GRM5: variants seen among roughly 807,000 people sequenced by gnomAD.
GRM5 encodes glutamate metabotropic receptor 5.
A neutral mutation model predicts 83.1 loss-of-function variants in GRM5; 19 were observed. That is an observed-to-expected ratio of 0.23 (90% CI 0.16 to 0.34). GRM5 has a LOEUF of 0.34. Ranked by LOEUF, GRM5 falls within the 10% of genes least tolerant of loss-of-function variation. The pLI is 1.00. For missense variants in GRM5, 1,160 were observed against 1,588.3 expected (o/e 0.73, Z 4.58); for synonymous variants, 675 against 633.6 (o/e 1.07, Z -0.98).
chr11:88,586,923 C>T (rs985614572), intron 7 of GRM5, among the ~76,000 whole-genome samples: 2 of 152,110 alleles, frequency 1.3e-5, no homozygotes, highest in South Asian at 2.1e-4. Context: ...ATTCCAAACT[C>T]GTTAAAGGCT....
chr11:88,984,914 G>A, intron 2 of GRM5: 3 of 613,480 alleles, frequency 4.9e-6, no homozygotes, highest in Non-Finnish European at 6.0e-6. Context: ...TGTTATCAAT[G>A]ATATTTTTAA....
At chr11:88,694,441 A>G (rs1940854926) in intron 3 of GRM5, among the ~76,000 whole-genome samples, 2 of 152,158 alleles carry the variant, frequency 1.3e-5, no homozygotes, top group Non-Finnish European at 2.9e-5. Flanking sequence ...CAAGGATGTG[A>G]CAAAGTGTAA....
chr11:88,824,522 C>A (rs1421603097), intron 3 of GRM5, among the ~76,000 whole-genome samples: 1 of 152,070 alleles, frequency 6.6e-6, no homozygotes, highest in Admixed American at 6.6e-5. Context: ...TGGGGCGGGG[C>A]AGGGGGGTGG....
At chr11:88,555,983 G>A (rs975801601) in intron 8 of GRM5, among the ~76,000 whole-genome samples, 4 of 152,092 alleles carry the variant, frequency 2.6e-5, no homozygotes, top group Non-Finnish European at 5.9e-5. Flanking sequence ...AGGAATGAGG[G>A]AAATGGCTAA....
chr11:88,522,467 GA>G (rs1438864686), intron 9 of GRM5, among the ~76,000 whole-genome samples: 1 of 151,812 alleles, frequency 6.6e-6, no homozygotes, highest in Non-Finnish European at 1.5e-5. Flanking sequence ...TGTGAAGTTG[GA>G]AAAAAAGATA....
chr11:88,876,523 G>C (rs540004996), intron 2 of GRM5, among the ~76,000 whole-genome samples: 1 of 151,996 alleles, frequency 6.6e-6, no homozygotes, highest in Non-Finnish European at 1.5e-5. Flanking sequence ...TTCACAACTT[G>C]ACTAAGTGGC....
At chr11:88,527,732 C>T (rs969065727) in intron 8 of GRM5, among the ~76,000 whole-genome samples, 1 of 152,114 alleles carries the variant, frequency 6.6e-6, no homozygotes, top group Non-Finnish European at 1.5e-5. Flanking sequence ...AAATGTGGTA[C>T]ATATACATCA....
chr11:88,839,902 A>G (rs1944165482), intron 3 of GRM5, among the ~76,000 whole-genome samples: 1 of 152,208 alleles, frequency 6.6e-6, no homozygotes, highest in South Asian at 2.1e-4. Context: ...AGAGGAAGAA[A>G]TGTTATCAAG....
At chr11:88,632,408 T>G (rs1204923606) in intron 4 of GRM5, among the ~76,000 whole-genome samples, 2 of 151,964 alleles carry the variant, frequency 1.3e-5, no homozygotes, top group African/African-American at 4.8e-5. Context: ...AATGTTTCTA[T>G]TTTTTTGTAG....
rs573700926 is a variant in GRM5, at chr11:88,831,909, C to G, written c.911+17997G>C. On this transcript the variant is annotated intron_variant, in intron 3 of 9. Transcript: ENST00000305447. ...GTCTGGAGGCCAAAGAATCAGCTAG[C>G]CTGAGCCCGTTAACATTGGTGCCAG... is the stretch of plus-strand genomic sequence containing the variant. Among the ~76,000 whole-genome samples, 16 of 152,324 alleles carry G rather than the reference C, an allele frequency of 1.1e-4. No homozygotes were observed. The East Asian group carries it at 2.9e-3, about 28-fold the overall frequency.
At chr11:89,026,836 A>G (rs1295637252) in intron 2 of GRM5, among the ~76,000 whole-genome samples, 4 of 152,210 alleles carry the variant, frequency 2.6e-5, no homozygotes, top group Non-Finnish European at 5.9e-5. Context: ...AATTAATCTT[A>G]TGACTAGTTA....
At chr11:88,796,891 C>A (rs1168942216) in intron 3 of GRM5, among the ~76,000 whole-genome samples, 1 of 110,324 alleles carries the variant, frequency 9.1e-6, no homozygotes, top group Non-Finnish European at 2.0e-5. Context: ...AAAGTACACA[C>A]ACACACACGT....
intron 2 of GRM5, among the ~76,000 whole-genome samples, chr11:88,913,182 G>T (rs1945528591): frequency 6.6e-6 from 1 of 152,116 alleles, no homozygotes; most frequent in African/African-American, 2.4e-5. Context: ...CATGTTAGAA[G>T]GTAATGGCCA....
In GRM5 at chr11:88,888,981, A is replaced by G. The variant is rs149809374; in HGVS notation, c.662-38826T>C. ...CGAATAATTTGTTTTAGTCTCCACCATTTTACAATGTTTGCTGACTTCTTA... is the reference window on the plus strand; with the variant it reads ...CGAATAATTTGTTTTAGTCTCCACCGTTTTACAATGTTTGCTGACTTCTTA... On this transcript the variant is annotated intron_variant, in intron 2 of 9. Coordinates refer to ENST00000305447, the MANE Select transcript of GRM5 (RefSeq NM_001143831.3). Among the ~76,000 whole-genome samples the G allele has an allele frequency of 4.0e-3, 612 of 152,284 alleles. 2 individuals are homozygous for G. Among genetic ancestry groups the G allele is most frequent in the African/African-American group, 0.014 (577 of 41,566 alleles).
chr11:88,941,351 G>T (rs1472049324), intron 2 of GRM5, among the ~76,000 whole-genome samples: 1 of 147,408 alleles, frequency 6.8e-6, no homozygotes, highest in African/African-American at 2.5e-5. Context: ...TGAACTTAAA[G>T]AAATAAGCCA....
chr11:88,990,850 A>C (rs994300169), intron 2 of GRM5, among the ~76,000 whole-genome samples: 4 of 151,916 alleles, frequency 2.6e-5, no homozygotes, highest in African/African-American at 9.7e-5. Context: ...TTAGGTATTG[A>C]TGGGACATAT....
At chr11:88,918,451 T>TA (rs976488071) in intron 2 of GRM5, among the ~76,000 whole-genome samples, 13 of 150,866 alleles carry the variant, frequency 8.6e-5, no homozygotes, top group African/African-American at 1.5e-4. Context: ...TAAATTAATT[T>TA]AAAAAAAAAC....
chr11:88,666,651 T>C (rs1940053113), intron 3 of GRM5, among the ~76,000 whole-genome samples: 1 of 152,216 alleles, frequency 6.6e-6, no homozygotes, highest in Admixed American at 6.5e-5. Flanking sequence ...GAGTTTTTAT[T>C]TGGGATCATT....
intron 5 of GRM5, among the ~76,000 whole-genome samples, chr11:88,599,209 C>A (rs1206738210): frequency 2.0e-5 from 3 of 152,122 alleles, no homozygotes; most frequent in Non-Finnish European, 4.4e-5. Flanking sequence ...GTAAAGAGAT[C>A]CAGTTTTTGA....
Sources: allele counts gnomAD v4.1 joint callset (sites outside exome capture counted in the v4.1 genomes callset), GRCh38; gene constraint gnomAD v4.1.1; transcripts MANE v1.5; gene names NCBI Gene and HGNC (gene_info 2026-07-23, HGNC 2026-07-21).